Variants in NPC1L1 observed in about 807,000 individuals in gnomAD.
NPC1L1 encodes the protein NPC1 like intracellular cholesterol transporter 1.
Under a neutral mutation model 117.0 loss-of-function variants are expected in NPC1L1, and 98 were observed. The ratio of observed to expected loss-of-function variants is 0.84; its 90% CI spans 0.71 to 0.99. The LOEUF (loss-of-function observed/expected upper bound fraction) is 0.99. Ranked by LOEUF, NPC1L1 falls within the 50% of genes least tolerant of loss-of-function variation. NPC1L1 has a pLI of 0.00. For synonymous variants in NPC1L1, 729 were observed against 727.6 expected (o/e 1.00, Z -0.03); for missense variants, 1,540 against 1,710.0 (o/e 0.90, Z 1.75).
In NPC1L1 at chr7:44,536,065, G is replaced by T. The variant is rs73107472; in HGVS notation, c.1855-97C>A. 25,153 of 1,592,404 alleles carry T rather than the reference G, an allele frequency of 0.016. 254 individuals are homozygous for T. Among genetic ancestry groups the T allele is most frequent in the Middle Eastern group, 0.024 (108 of 4,434 alleles). On this transcript the variant is annotated intron_variant, in intron 4 of 18. Coordinates refer to ENST00000381160, the MANE Select transcript of NPC1L1 (RefSeq NM_001101648.2). The surrounding 1 kb of genome is among the most constrained non-coding windows in gnomAD (Gnocchi z 4.7). ...TCACTGGGCACTAATTGTGTGTTGTGTCATAGGGCCTGATGGCCCCCTATA... is the reference window on the plus strand; with the variant it reads ...TCACTGGGCACTAATTGTGTGTTGTTTCATAGGGCCTGATGGCCCCCTATA...
intron 10 of NPC1L1, among the ~76,000 whole-genome samples, chr7:44,528,581 C>T (rs1223970389): frequency 1.3e-5 from 2 of 151,722 alleles, no homozygotes; most frequent in East Asian, 3.9e-4. Flanking sequence ...AGACTATGCA[C>T]AAAAGAAAAT....
At chr7:44,524,814 AG>A (rs1218387633) in intron 10 of NPC1L1, among the ~76,000 whole-genome samples, 1 of 152,098 alleles carries the variant, frequency 6.6e-6, no homozygotes, top group African/African-American at 2.4e-5. Context: ...AAGAGCTAAA[AG>A]AAAACAAAGT....
chr7:44,514,298 T>A (rs1004753519), intron 18 of NPC1L1, among the ~76,000 whole-genome samples: 5 of 152,168 alleles, frequency 3.3e-5, no homozygotes, highest in African/African-American at 1.2e-4. Context: ...GAGGCTCAAT[T>A]TGAGCTTCCA....
intron 10 of NPC1L1, among the ~76,000 whole-genome samples, chr7:44,524,390 G>A (rs950939670): frequency 6.6e-6 from 1 of 151,918 alleles, no homozygotes; most frequent in Non-Finnish European, 1.5e-5. Flanking sequence ...CCATTCAAAG[G>A]GAAAATATTA....
At chr7:44,517,183 C>T in intron 15 of NPC1L1, 24 bp downstream of exon 15, 5 of 1,614,018 alleles carry the variant, frequency 3.1e-6, no homozygotes, top group Non-Finnish European at 4.2e-6. Context: ...CACCTCCCTC[C>T]AGCCCAGCCA....
chr7:44,514,244 T>C (rs938110952), intron 18 of NPC1L1, among the ~76,000 whole-genome samples: 2 of 152,212 alleles, frequency 1.3e-5, no homozygotes, highest in Non-Finnish European at 2.9e-5. Flanking sequence ...ATTGAACTCC[T>C]CCCAGCTTGC....
chr7:44,517,317 T>C lies in NPC1L1; in HGVS notation c.3177A>G (p.Ser1059=). ...CCCGCAGAGCTTCTGTGTAATCCTG[T>C]GAGTTTTTCAGGGGCTTGTGATAGG... ...FMAYHKPLKN[S]QDYTEALRAA... is the part of the protein sequence containing the mutation. The change falls in exon 15 of 19, where the codon TCA becomes TCG. Residue 1059 remains serine (S), a synonymous_variant. Coordinates refer to ENST00000381160, the MANE Select transcript of NPC1L1 (RefSeq NM_001101648.2). 1 of 1,613,964 alleles carries C rather than the reference T, an allele frequency of 6.2e-7. No individual in the cohort carries two copies. The highest frequency in any genetic ancestry group is 1.1e-5 in the South Asian group (1 of 91,080).
At position 44,539,816 on chromosome 7, in the gene NPC1L1, G is replaced by T; in HGVS notation, c.581C>A (p.Ser194Tyr). Residue 194 changes from serine (S) to tyrosine (Y), a missense_variant, in exon 2 of 19, where the codon TCT (serine) becomes TAT (tyrosine). By Grantham distance (144) the Ser-to-Tyr change is moderately radical. This residue lies in a region of NPC1L1 where 793 missense variants were observed against 820.4 expected (regional missense o/e 0.97). Transcript: ENST00000381160. This position sits in a 1 kb window ranked among gnomAD's most constrained non-coding sequence, Gnocchi z 4.4. ...AVGTMCGVYG[S>Y]ALCNAQRWLN... Reference sequence around the variant, plus strand: ...CCAGCGCTGGGCATTGCAAAGGGCAGAGCCATACACGCCACACATGGTGCC... The same window carrying T: ...CCAGCGCTGGGCATTGCAAAGGGCATAGCCATACACGCCACACATGGTGCC... 6.2e-7 allele frequency: 1 copy of T among 1,614,152 alleles called. No individual in the cohort carries two copies. Among genetic ancestry groups the T allele is most frequent in the Non-Finnish European group, 8.5e-7 (1 of 1,180,036 alleles).
rs762994650 is a variant in NPC1L1 at position 44,536,093 on chromosome 7, C to T, written c.1855-125G>A. The T allele has an allele frequency of 2.5e-5, 38 of 1,547,670 alleles. No homozygotes were observed. The highest frequency in any genetic ancestry group is 1.6e-4 in the East Asian group (7 of 44,410). On this transcript the variant is annotated intron_variant, in intron 4 of 18. Transcript: ENST00000381160. This position sits in a 1 kb window ranked among gnomAD's most constrained non-coding sequence, Gnocchi z 4.7. The stretch of plus-strand genomic sequence containing the variant: ...ATAGGGCCTGATGGCCCCCTATAAT[C>T]GCAGGTGAGGCTATAAGAACAGCCA...
In NPC1L1 at chr7:44,539,243, G is replaced by A. The variant is rs373683105; in HGVS notation, c.1154C>T (p.Ala385Val). The A allele has an allele frequency of 1.2e-6, 2 of 1,613,976 alleles. No homozygotes were observed. Among genetic ancestry groups the A allele is most frequent in the Non-Finnish European group, 8.5e-7 (1 of 1,180,044 alleles). The change falls in exon 2 of 19, where the codon GCC (alanine) becomes GTC (valine). Residue 385 changes from alanine (A) to valine (V), a missense_variant. Ala to Val is a moderately conservative substitution (Grantham distance 64). Transcript: ENST00000381160. This position sits in a 1 kb window ranked among gnomAD's most constrained non-coding sequence, Gnocchi z 4.4. ...LTTDPVELWS[A>V]PNSQARSEKA... ...CTCACTCCGGGCTTGGCTGTTGGGGGCCGACCACAGCTCCACGGGGTCCGT... is the reference window on the plus strand; with the variant it reads ...CTCACTCCGGGCTTGGCTGTTGGGGACCGACCACAGCTCCACGGGGTCCGT...
In NPC1L1 at chr7:44,534,351, G is replaced by T; in HGVS notation, c.2166+96C>A. The T allele has an allele frequency of 1.7e-6, 2 of 1,164,836 alleles. No individual in the cohort carries two copies. Among genetic ancestry groups the T allele is most frequent in the Non-Finnish European group, 2.6e-6 (2 of 770,642 alleles). 72.2% of individuals were successfully genotyped at this position (1,164,836 alleles called of 1,614,324 possible). On this transcript the variant is annotated intron_variant, in intron 6 of 18. Transcript: ENST00000381160. This position sits in a 1 kb window ranked among gnomAD's most constrained non-coding sequence, Gnocchi z 5.2. The stretch of plus-strand genomic sequence containing the variant: ...GATGAACAGAAAGAGTCTGCAGGGA[G>T]ACCCAGCAAATTCACGCCAGAGTCC...
At chr7:44,525,405 G>A (rs573403918) in intron 10 of NPC1L1, among the ~76,000 whole-genome samples, 51 of 152,218 alleles carry the variant, frequency 3.4e-4, no homozygotes, top group African/African-American at 1.1e-3. Flanking sequence ...CTACAAGTGC[G>A]CACAACCATG....
chr7:44,517,592 C>A (rs1038030164), intron 14 of NPC1L1, among the ~76,000 whole-genome samples: 1 of 152,158 alleles, frequency 6.6e-6, no homozygotes, highest in African/African-American at 2.4e-5. Flanking sequence ...CCAGGCCTGA[C>A]CTTTGATGAG....
At chr7:44,527,530 C>A (rs984529513) in intron 10 of NPC1L1, among the ~76,000 whole-genome samples, 21 of 150,106 alleles carry the variant, frequency 1.4e-4, no homozygotes, top group Non-Finnish European at 1.5e-5. Flanking sequence ...ATAAAAATCC[C>A]TTGGCTAGGC....
intron 8 of NPC1L1, among the ~76,000 whole-genome samples, chr7:44,532,763 T>C (rs1476162394): frequency 6.6e-6 from 1 of 152,270 alleles, no homozygotes; most frequent in Non-Finnish European, 1.5e-5. Context: ...ATTTATGTTA[T>C]CATTAAGGCT....
rs146630339 is a variant in NPC1L1 at position 44,537,562 on chromosome 7, C to T, written c.1581-620G>A. ...TCAGCTTAGCCCTTTCTGCAAAGCC[C>T]GTCATTGCGAAGATGCAGTGGGACA... On this transcript the variant is annotated intron_variant, in intron 2 of 18. Transcript: ENST00000381160. 1.0e-3 allele frequency among the ~76,000 whole-genome samples: 153 copies of T among 152,326 alleles called. 1 individual carries two copies. The East Asian group carries it at 0.026, about 26-fold the overall frequency.
intron 18 of NPC1L1, 133 bp downstream of exon 18, chr7:44,515,670 G>T (rs760912500): frequency 6.6e-6 from 7 of 1,068,094 alleles, no homozygotes; most frequent in Non-Finnish European, 1.0e-5. Context: ...ATTGCCACAT[G>T]GTCATAGTCC....
In NPC1L1 at chr7:44,539,887, G is replaced by A; in HGVS notation, c.510C>T (p.Asp170=). The change falls in exon 2 of 19, where the codon GAC becomes GAT. Residue 170 remains aspartate, a synonymous_variant. Coordinates refer to ENST00000381160, the MANE Select transcript of NPC1L1 (RefSeq NM_001101648.2). This position sits in a 1 kb window ranked among gnomAD's most constrained non-coding sequence, Gnocchi z 4.4. ...CAGGGACGCGCACACGGCTGCAGGA[G>A]TCATAGCTCTGCTCGGCAAAGCTAT... ...YQHSFAEQSY[D]SCSRVRVPAA... 1 of 1,614,098 alleles carries A rather than the reference G, an allele frequency of 6.2e-7. No homozygotes were observed. Among genetic ancestry groups the A allele is most frequent in the Non-Finnish European group, 8.5e-7 (1 of 1,180,032 alleles).
intron 18 of NPC1L1, among the ~76,000 whole-genome samples, chr7:44,514,294 C>T (rs927962494): frequency 6.6e-6 from 1 of 152,166 alleles, no homozygotes; most frequent in Non-Finnish European, 1.5e-5. Flanking sequence ...CTGGGAGGCT[C>T]AATTTGAGCT....
Sources: allele counts gnomAD v4.1 joint callset (sites outside exome capture counted in the v4.1 genomes callset), GRCh38; gene constraint gnomAD v4.1.1; regional missense constraint gnomAD v4.1.1; non-coding constraint Gnocchi (gnomAD v3.1); transcripts MANE v1.5; gene names NCBI Gene and HGNC (gene_info 2026-07-23, HGNC 2026-07-21).